MAPK6: variants seen among roughly 807,000 people sequenced by gnomAD.
MAPK6 encodes mitogen-activated protein kinase 6.
In MAPK6, 19 loss-of-function variants were observed where a neutral mutation model predicts 59.3. The ratio of observed to expected loss-of-function variants is 0.32; its 90% CI spans 0.22 to 0.47. The LOEUF is 0.47. Ranked by LOEUF, MAPK6 falls within the 20% of genes least tolerant of loss-of-function variation. The pLI, the probability that MAPK6 is intolerant of heterozygous loss-of-function variation, is 1.00. For missense variants in MAPK6, 724 were observed against 847.9 expected, an observed-to-expected ratio of 0.85 and a Z score of 1.81; for synonymous variants, 316 against 290.3, an observed-to-expected ratio of 1.09 and a Z score of -0.90.
chr15:52,044,156 G>T (rs938258365), intron 1 of MAPK6, among the ~76,000 whole-genome samples: 1 of 151,968 alleles, frequency 6.6e-6, no homozygotes. Flanking sequence ...GTAAGCTACA[G>T]AATTTTTAGG....
rs1486718231 is a variant in MAPK6, at chr15:52,066,960, G to A, written c.*1960G>A. 6.6e-6 allele frequency: 1 copy of A among 152,212 alleles called. No individual in the cohort carries two copies. Among genetic ancestry groups the A allele is most frequent in the African/African-American group, 2.4e-5 (1 of 41,438 alleles). 9.4% of individuals were successfully genotyped at this position (152,212 alleles called of 1,614,324 possible). On this transcript the variant is annotated 3_prime_UTR_variant, in exon 6 of 6. Transcript: ENST00000261845. Reference sequence around the variant, plus strand: ...GTTGGAGCTGGGTGGGGTGACAAGTGCAGAGGCTTTGAGTGTCATGAGAGC... The same window carrying A: ...GTTGGAGCTGGGTGGGGTGACAAGTACAGAGGCTTTGAGTGTCATGAGAGC...
chr15:52,003,782 A>G (rs1566896890), intron 2 of MAPK6, among the ~76,000 whole-genome samples: 1 of 152,258 alleles, frequency 6.6e-6, no homozygotes, highest in Admixed American at 6.5e-5. Flanking sequence ...AGAAAGGAGC[A>G]TGATGTTGAA....
intron 2 of MAPK6, among the ~76,000 whole-genome samples, chr15:51,990,274 G>A (rs1198793250): frequency 1.3e-5 from 2 of 152,168 alleles, no homozygotes; most frequent in African/African-American, 2.4e-5. Context: ...CTAGATTTTC[G>A]ATAATGCCCA....
chr15:51,982,154 A>G (rs1012529403), intron 1 of MAPK6, among the ~76,000 whole-genome samples: 8 of 152,174 alleles, frequency 5.3e-5, no homozygotes, highest in African/African-American at 7.2e-5. Flanking sequence ...CACAAAGCAA[A>G]ACTGAAAATT....
At chr15:52,037,692 G>C (rs2031287570) in intron 1 of MAPK6, among the ~76,000 whole-genome samples, 1 of 152,164 alleles carries the variant, frequency 6.6e-6, no homozygotes, top group African/African-American at 2.4e-5. Context: ...CTGGTGGAAT[G>C]CCTGGAAAGG....
Position 52,046,197 on chromosome 15 carries a change from G to A in MAPK6, c.-264G>A. On this transcript the variant is annotated 5_prime_UTR_variant, in exon 2 of 6. Transcript: ENST00000261845. ...AGTTTCTTGTTTTCGTTAAATGTCT[G>A]CAGAGTTGCTGCCCCTTTCTTGAAC... 2 of 326,528 alleles carry A rather than the reference G, an allele frequency of 6.1e-6. No individual in the cohort carries two copies. Among genetic ancestry groups the A allele is most frequent in the South Asian group, 1.1e-4 (2 of 18,522 alleles). 20.2% of individuals were successfully genotyped at this position (326,528 alleles called of 1,614,324 possible). A position where few individuals can be genotyped will look rare whatever the true frequency, so the allele number is the denominator to read the frequency against.
At chr15:52,002,483 C>T (rs2057244818) in intron 2 of MAPK6, among the ~76,000 whole-genome samples, 1 of 152,186 alleles carries the variant, frequency 6.6e-6, no homozygotes, top group Non-Finnish European at 1.5e-5. Flanking sequence ...CTGAGACGGA[C>T]TTCAGTGTAC....
At chr15:51,983,865 A>G (rs1254771318) in intron 2 of MAPK6, among the ~76,000 whole-genome samples, 2 of 152,228 alleles carry the variant, frequency 1.3e-5, no homozygotes, top group South Asian at 2.1e-4. Context: ...GGTATTATCT[A>G]TCTAAACTGT....
At chr15:51,980,612 A>G (rs1199926317) in intron 1 of MAPK6, among the ~76,000 whole-genome samples, 3 of 150,350 alleles carry the variant, frequency 2.0e-5, no homozygotes, top group African/African-American at 7.3e-5. Flanking sequence ...TTTTTTTTAG[A>G]CAGAGTCTTG....
chr15:52,007,721 T>A lies in MAPK6; in HGVS notation c.-632+3319T>A, dbSNP rs1595965898. 2.0e-5 allele frequency among the ~76,000 whole-genome samples: 3 copies of A among 151,772 alleles called. No homozygotes were observed. In the East Asian group the frequency reaches 5.8e-4, roughly 29 times the overall value. On this transcript the variant is annotated intron_variant, in intron 3 of 7. Coordinates refer to the MAPK6 transcript ENST00000691380. Reference sequence around the variant, plus strand: ...TCTATCTCAAAAAAAAAAAAAAAATTAATTCCTTTGTGGACTCACCAAAAT... The same window carrying A: ...TCTATCTCAAAAAAAAAAAAAAAATAAATTCCTTTGTGGACTCACCAAAAT...
chr15:52,058,460 A>G (rs920102703), intron 3 of MAPK6, among the ~76,000 whole-genome samples, 173 bp from the exon 4 acceptor site: 1 of 152,228 alleles, frequency 6.6e-6, no homozygotes, highest in African/African-American at 2.4e-5. Flanking sequence ...CAGTAAGCAG[A>G]AATTGAAATA....
At chr15:51,996,144 A>G (rs1473234321) in intron 2 of MAPK6, among the ~76,000 whole-genome samples, 1 of 152,186 alleles carries the variant, frequency 6.6e-6, no homozygotes, top group African/African-American at 2.4e-5. Context: ...AGGCAAGGGA[A>G]TAACAACAAG....
In MAPK6 at chr15:52,064,841, C is replaced by T; in HGVS notation, c.2007C>T (p.Leu669=). The part of the protein sequence containing the change: ...EGFLNNSGEF[L]FNKQLESIGI... ...TTCTGAACAACAGTGGGGAGTTCCT[C>T]TTTAACAAGCAGCTCGAGTCCATAG... The change falls in exon 6 of 6, where the codon CTC becomes CTT. Residue 669 remains leucine, a synonymous_variant. Transcript: ENST00000261845. 6 of 1,611,976 alleles carry T rather than the reference C, an allele frequency of 3.7e-6. No individual in the cohort carries two copies. The highest frequency in any genetic ancestry group is 1.1e-5 in the South Asian group (1 of 90,986).
intron 1 of MAPK6, among the ~76,000 whole-genome samples, chr15:52,034,250 G>T (rs930282448): frequency 2.6e-5 from 4 of 152,004 alleles, no homozygotes; most frequent in African/African-American, 4.8e-5. Flanking sequence ...CTCCCAAAGT[G>T]CTGGGATTAT....
Position 52,064,582 on chromosome 15 carries a change from C to T in MAPK6, c.1748C>T (p.Ala583Val). Reference protein sequence around the residue: ...EKQEKGMANLAQLEALYQSSW... With the variant: ...EKQEKGMANLVQLEALYQSSW... ...CAGGAAAAAGGAATGGCAAATCTGG[C>T]TCAATTAGAAGCCTTGTACCAGTCT... The change falls in exon 6 of 6, where the codon GCT (alanine) becomes GTT (valine). Residue 583 changes from alanine to valine, a missense_variant. Ala to Val is a moderately conservative substitution (Grantham distance 64, BLOSUM62 0). Around this residue, in one of 4 missense-constraint regions of MAPK6, gnomAD observed 502 missense variants for 507.6 expected, o/e 0.99. Coordinates refer to ENST00000261845, the MANE Select transcript of MAPK6 (RefSeq NM_002748.4). 1 of 1,611,774 alleles carries T rather than the reference C, an allele frequency of 6.2e-7. No individual in the cohort carries two copies. Among genetic ancestry groups the T allele is most frequent in the Non-Finnish European group, 8.5e-7 (1 of 1,179,756 alleles).
Position 52,058,802 on chromosome 15 carries a change from T to C in MAPK6, c.865+5T>C, listed in dbSNP as rs2032085148. On this transcript the variant is annotated splice_donor_5th_base_variant and intron_variant, in intron 4 of 5. Coordinates refer to ENST00000261845, the MANE Select transcript of MAPK6 (RefSeq NM_002748.4). The stretch of plus-strand genomic sequence containing the variant: ...TTCCAGGAATTAGTCGAGAAGGTAT[T>C]GTGACTCGAGAGTAACCCTCACGTT... The C allele has an allele frequency of 6.2e-7, 1 of 1,607,030 alleles. No individual in the cohort carries two copies. Among genetic ancestry groups the C allele is most frequent in the African/African-American group, 1.3e-5 (1 of 74,736 alleles).
intron 1 of MAPK6, among the ~76,000 whole-genome samples, chr15:52,029,647 C>T (rs139290319): frequency 1.5e-3 from 222 of 152,304 alleles, no homozygotes; most frequent in Non-Finnish European, 2.3e-3. Flanking sequence ...CAGTCTTTCT[C>T]TCTTCTGTAA....
chr15:52,012,890 G>A (rs1405520600), intron 3 of MAPK6, among the ~76,000 whole-genome samples: 2 of 150,116 alleles, frequency 1.3e-5, no homozygotes, highest in Admixed American at 1.3e-4. Flanking sequence ...GGGAGGATGA[G>A]GCATGAGAAT....
In MAPK6 at chr15:52,030,994, A is replaced by G. The variant is rs376930029; in HGVS notation, c.-632+11618A>G. On this transcript the variant is annotated intron_variant, in intron 1 of 5. Transcript: ENST00000261845. ...TTTTTAGTAGAGACAGGGTTTCACC[A>G]TGTTGGTCAGTTTGGTCTTAAACTC... is the stretch of plus-strand genomic sequence containing the variant. Among the ~76,000 whole-genome samples, 48 of 151,504 alleles carry G rather than the reference A, an allele frequency of 3.2e-4. 5 individuals are homozygous for G. Among genetic ancestry groups the G allele is most frequent in the South Asian group, 1.9e-3 (9 of 4,806 alleles).
Sources: allele counts gnomAD v4.1 joint callset (sites outside exome capture counted in the v4.1 genomes callset), GRCh38; gene constraint gnomAD v4.1.1; regional missense constraint gnomAD v4.1.1; transcripts MANE v1.5; gene names NCBI Gene and HGNC (gene_info 2026-07-23, HGNC 2026-07-21).